The following LOXHD1 variants were observed in gnomAD, a reference collection of about 807,000 sequenced individuals.
The protein encoded by LOXHD1 is lipoxygenase homology domain-containing protein 1.
LOXHD1 carries 205 observed loss-of-function variants against 248.2 expected under a neutral mutation model. The ratio of observed to expected loss-of-function variants is 0.83; its 90% CI spans 0.74 to 0.93. LOXHD1 has a LOEUF of 0.93. Ranked by LOEUF, LOXHD1 falls within the 40% of genes least tolerant of loss-of-function variation. The pLI, the probability that LOXHD1 is intolerant of heterozygous loss-of-function variation, is 0.00. For synonymous variants in LOXHD1, 1,113 were observed against 1,162.8 expected, an observed-to-expected ratio of 0.96 and a Z score of 0.87; for missense variants, 2,930 against 2,971.6, an observed-to-expected ratio of 0.99 and a Z score of 0.33.
At chr18:46,496,253 T>A (rs1004200925) in intron 37 of LOXHD1, among the ~76,000 whole-genome samples, 3 of 152,256 alleles carry the variant, frequency 2.0e-5, no homozygotes, top group African/African-American at 7.2e-5. Context: ...GTGATTGCTA[T>A]GTGGAAGTTT....
chr18:46,487,351 G>A (rs538417177), intron 38 of LOXHD1, among the ~76,000 whole-genome samples: 2 of 152,340 alleles, frequency 1.3e-5, no homozygotes, highest in Non-Finnish European at 2.9e-5. Flanking sequence ...AGGGAAAGGG[G>A]CAGGATGCAG....
chr18:46,544,275 T>C (rs2036698270), intron 23 of LOXHD1, among the ~76,000 whole-genome samples: 1 of 152,206 alleles, frequency 6.6e-6, no homozygotes, highest in Admixed American at 6.5e-5. Context: ...GTTTTCCAAA[T>C]GTCAAAAAAG....
chr18:46,509,731 G>T lies in LOXHD1; in HGVS notation c.5484C>A (p.Gly1828=). 2 of 1,551,622 alleles carry T rather than the reference G, an allele frequency of 1.3e-6. No homozygotes were observed. The highest frequency in any genetic ancestry group is 1.7e-6 in the Non-Finnish European group (2 of 1,146,968). The change falls in exon 35 of 41, where the codon GGC becomes GGA. Residue 1828 remains glycine (G), a synonymous_variant. Transcript: ENST00000642948. ...GGAACCACTCCGGCCGACTGCCCAG[G>T]CCATCAATCCGGATCCGCATCTTGG... is the stretch of plus-strand genomic sequence containing the variant. ...PFTKMRIRID[G]LGSRPEWFLE...
At position 46,540,004 on chromosome 18, in the gene LOXHD1, A is replaced by G. The variant is rs952319666; in HGVS notation, c.3914-1667T>C. ...CTGTAGTAGTGATACTTGCAGTAGT[A>G]ATAGTAGTAATAGTTATCACTTATT... is the stretch of plus-strand genomic sequence containing the variant. On this transcript the variant is annotated intron_variant, in intron 25 of 40. Transcript: ENST00000642948. Among the ~76,000 whole-genome samples the G allele has an allele frequency of 2.6e-5, 4 of 152,338 alleles. No individual in the cohort carries two copies. The East Asian group carries it at 7.7e-4, about 29-fold the overall frequency.
intron 12 of LOXHD1, among the ~76,000 whole-genome samples, chr18:46,580,850 C>T (rs1599024671): frequency 6.6e-6 from 1 of 152,022 alleles, no homozygotes; most frequent in African/African-American, 2.4e-5. Context: ...AGTGCAAAGG[C>T]CCCTGTGTGT....
chr18:46,563,676 A>G (rs1160019975), intron 17 of LOXHD1, among the ~76,000 whole-genome samples: 1 of 152,168 alleles, frequency 6.6e-6, no homozygotes, highest in African/African-American at 2.4e-5. Flanking sequence ...GAAGCCACTA[A>G]CCCCAATACC....
intron 4 of LOXHD1, among the ~76,000 whole-genome samples, chr18:46,629,565 G>A (rs941653984): frequency 3.3e-5 from 5 of 151,990 alleles, no homozygotes; most frequent in African/African-American, 7.3e-5. Context: ...TGCACCCTGG[G>A]CACTACGCCC....
intron 17 of LOXHD1, 116 bp from the exon 18 acceptor site, chr18:46,563,341 T>A: frequency 9.7e-7 from 1 of 1,031,138 alleles, no homozygotes; most frequent in Non-Finnish European, 1.3e-6. Context: ...TTACAGTCAT[T>A]CACTTATCTA....
At chr18:46,569,396 G>A (rs560283353) in intron 16 of LOXHD1, 46 bp downstream of exon 16, 386 of 1,499,726 alleles carry the variant, frequency 2.6e-4, no homozygotes, top group East Asian at 5.4e-4. Flanking sequence ...ATGTGTGTTC[G>A]GAAATGGGTG....
intron 21 of LOXHD1, chr18:46,555,435 C>T: frequency 4.8e-6 from 1 of 208,686 alleles, no homozygotes. Flanking sequence ...AAAACCATGA[C>T]AATGGGCTGT....
intron 28 of LOXHD1, among the ~76,000 whole-genome samples, chr18:46,529,870 A>C (rs1465524670): frequency 6.6e-6 from 1 of 152,122 alleles, no homozygotes; most frequent in African/African-American, 2.4e-5. Flanking sequence ...CCAGCGGTTC[A>C]GGTCAACTCC....
intron 6 of LOXHD1, among the ~76,000 whole-genome samples, chr18:46,605,056 C>T (rs965313407): frequency 2.0e-5 from 3 of 152,130 alleles, no homozygotes; most frequent in African/African-American, 7.2e-5. Flanking sequence ...TGATAAAATG[C>T]TACCAAGACC....
At chr18:46,533,768 A>G in intron 27 of LOXHD1, 1 of 294,246 alleles carries the variant, frequency 3.4e-6, no homozygotes, top group Non-Finnish European at 6.8e-6. Flanking sequence ...TACTAACAAA[A>G]TATAAAAATT....
intron 8 of LOXHD1, among the ~76,000 whole-genome samples, chr18:46,595,370 C>T (rs770549729): frequency 3.3e-5 from 5 of 152,132 alleles, no homozygotes; most frequent in Non-Finnish European, 7.4e-5. Flanking sequence ...ATGCTCCTCC[C>T]TAGAGATAAA....
intron 12 of LOXHD1, among the ~76,000 whole-genome samples, chr18:46,580,306 G>T (rs1318427105): frequency 6.6e-6 from 1 of 152,186 alleles, no homozygotes; most frequent in Non-Finnish European, 1.5e-5. Flanking sequence ...CAACTTCTAT[G>T]TGTTCTCAAG....
intron 4 of LOXHD1, among the ~76,000 whole-genome samples, chr18:46,620,453 G>C (rs1385976082): frequency 1.3e-5 from 2 of 152,364 alleles, no homozygotes; most frequent in South Asian, 2.1e-4. Context: ...GAAAGGATGA[G>C]AGGGGCTGGG....
rs113444922 is a variant in LOXHD1, at chr18:46,591,948, G to C, written c.1639C>G (p.Arg547Gly). ...REMTAEGPTV[R>G]RIMGMARYHV... ...CAGTACTTACTGCCCATGATCCTGC[G>C]CACTGTTGGGCCTTCTGCAGTCATT... Residue 547 changes from arginine (R) to glycine (G), a missense_variant, in exon 12 of 41, where the codon CGC becomes GGC. Arg to Gly is a moderately radical substitution (Grantham distance 125, BLOSUM62 -2). Transcript: ENST00000642948. 3 of 1,551,724 alleles carry C rather than the reference G, an allele frequency of 1.9e-6. No individual in the cohort carries two copies. Among genetic ancestry groups the C allele is most frequent in the Non-Finnish European group, 2.6e-6 (3 of 1,147,010 alleles).
chr18:46,644,637 G>A (rs754637004), intron 2 of LOXHD1, among the ~76,000 whole-genome samples: 8 of 152,088 alleles, frequency 5.3e-5, no homozygotes, highest in Non-Finnish European at 1.0e-4. Flanking sequence ...AGAATCACTT[G>A]AGCCCAGGAA....
intron 15 of LOXHD1, 22 bp from the exon 16 acceptor site, chr18:46,569,660 G>C (rs1263749331): frequency 1.9e-6 from 3 of 1,540,490 alleles, no homozygotes; most frequent in Non-Finnish European, 1.8e-6. Flanking sequence ...AAGGCAGAGG[G>C]AGGAAGGGAA....
Sources: gnomAD v4.1 joint callset for allele counts (sites outside exome capture counted in the v4.1 genomes callset) on GRCh38, gnomAD v4.1.1 for gene constraint, MANE v1.5 for transcripts, NCBI Gene and HGNC (gene_info 2026-07-23, HGNC 2026-07-21) for gene names.